The following LRP1 variants were observed in gnomAD, a reference collection of about 807,000 sequenced individuals.
LRP1 encodes LDL receptor related protein 1.
Under a neutral mutation model 541.5 loss-of-function variants are expected in LRP1, and 51 were observed. The ratio of observed to expected loss-of-function variants is 0.09; its 90% CI spans 0.08 to 0.12. The LOEUF (loss-of-function observed/expected upper bound fraction) is 0.12. LRP1 is among the 10% of genes least tolerant of loss of function. The pLI is 1.00. For synonymous variants in LRP1, 2,219 were observed against 2,470.8 expected, an observed-to-expected ratio of 0.90 and a Z score of 3.02; for missense variants, 3,878 against 6,376.2, an observed-to-expected ratio of 0.61 and a Z score of 13.34.
At chr12:57,147,023 C>T (rs1241324284) in intron 6 of LRP1, among the ~76,000 whole-genome samples, 1 of 152,064 alleles carries the variant, frequency 6.6e-6, no homozygotes, top group Admixed American at 6.5e-5. Flanking sequence ...TCTACTCTGG[C>T]CTCATCTCCT....
chr12:57,178,813 G>A lies in LRP1; in HGVS notation c.4607-77G>A, dbSNP rs753594461. The A allele has an allele frequency of 2.2e-4, 344 of 1,545,640 alleles. No individual in the cohort carries two copies. Among genetic ancestry groups the A allele is most frequent in the Non-Finnish European group, 2.7e-4 (310 of 1,148,610 alleles). On this transcript the variant is annotated intron_variant, in intron 27 of 88. Coordinates refer to ENST00000243077, the MANE Select transcript of LRP1 (RefSeq NM_002332.3). The surrounding 1 kb of genome is among the most constrained non-coding windows in gnomAD (Gnocchi z 5.8). Reference sequence around the variant, plus strand: ...CTGGAACAGGGGGAGGAGAGTGGGCGAGGAAGGGGTGGTCCATGTAGGGAG... The same window carrying A: ...CTGGAACAGGGGGAGGAGAGTGGGCAAGGAAGGGGTGGTCCATGTAGGGAG...
chr12:57,209,237 C>G (rs1169453320), intron 79 of LRP1, 38 bp downstream of exon 79: 1 of 1,537,834 alleles, frequency 6.5e-7, no homozygotes, highest in Non-Finnish European at 9.0e-7. Flanking sequence ...CCAGCCCTGT[C>G]CCCAGCCTTG....
In LRP1 at chr12:57,204,615, T is replaced by G. The variant is rs921416800; in HGVS notation, c.11072-12T>G. The G allele has an allele frequency of 1.5e-5, 24 of 1,613,548 alleles. No homozygotes were observed. Among genetic ancestry groups the G allele is most frequent in the Middle Eastern group, 1.6e-4 (1 of 6,082 alleles). On this transcript the variant is annotated splice_polypyrimidine_tract_variant and intron_variant, in intron 71 of 88. Transcript: ENST00000243077. This position sits in a 1 kb window ranked among gnomAD's most constrained non-coding sequence, Gnocchi z 5.3. ...GACTAATTCTGGCTCTGTGTCCCCC[T>G]GGCTGCTGCAGCCCGGTTCGTGTGC...
chr12:57,178,461 G>C lies in LRP1; in HGVS notation c.4464G>C (p.Gly1488=), dbSNP rs151252533. The C allele has an allele frequency of 1.5e-4, 245 of 1,614,236 alleles. 1 individual carries two copies. Among genetic ancestry groups the C allele is most frequent in the South Asian group, 6.8e-4 (62 of 91,090 alleles). Residue 1488 remains glycine (G), a synonymous_variant, in exon 27 of 89, where the codon GGG becomes GGC. Transcript: ENST00000243077. The surrounding 1 kb of genome is among the most constrained non-coding windows in gnomAD (Gnocchi z 5.8). The stretch of plus-strand genomic sequence containing the variant: ...ACCCGTTTGCAGTGACGCTGTACGG[G>C]GGGGAGGTCTACTGGACTGACTGGC... ...LSHPFAVTLY[G]GEVYWTDWRT...
At chr12:57,149,017 A>G in intron 6 of LRP1, 1 of 677,194 alleles carries the variant, frequency 1.5e-6, no homozygotes, top group Middle Eastern at 2.4e-4. Flanking sequence ...GAAATGGGGT[A>G]GTGATTTGTC....
In LRP1 at chr12:57,199,228, C is replaced by A; in HGVS notation, c.9693C>A (p.Ile3231=). ...GCCCTGCAGTGCTGAGCCAGGACATCCCGCACATCTTTGCACTGACCCTGT... is the reference window on the plus strand; with the variant it reads ...GCCCTGCAGTGCTGAGCCAGGACATACCGCACATCTTTGCACTGACCCTGT... The part of the protein sequence containing the change: ...SNRHVVLSQD[I]PHIFALTLFE... The change falls in exon 61 of 89, where the codon ATC becomes ATA. Residue 3231 remains isoleucine, a synonymous_variant. Coordinates refer to ENST00000243077, the MANE Select transcript of LRP1 (RefSeq NM_002332.3). 3 of 1,613,616 alleles carry A rather than the reference C, an allele frequency of 1.9e-6. No individual in the cohort carries two copies. The highest frequency in any genetic ancestry group is 1.7e-6 in the Non-Finnish European group (2 of 1,179,930).
chr12:57,173,435 G>A lies in LRP1; in HGVS notation c.3346+85G>A. The A allele has an allele frequency of 4.2e-6, 6 of 1,417,998 alleles. No individual in the cohort carries two copies. The South Asian group carries it at 6.5e-5, about 15-fold the overall frequency. The allele number at this position is 1,417,998 out of a possible 1,614,324, so 87.8% of individuals were successfully genotyped here. A position where few individuals can be genotyped will look rare whatever the true frequency, so the allele number is the denominator to read the frequency against. On this transcript the variant is annotated intron_variant, in intron 21 of 88. Coordinates refer to ENST00000243077, the MANE Select transcript of LRP1 (RefSeq NM_002332.3). The surrounding 1 kb of genome is among the most constrained non-coding windows in gnomAD (Gnocchi z 4.7). ...TTGAGAGCAGAGTAGCGGCAAAGGG[G>A]ATGGCACTGTGCTGTGTGGAGTGGT...
rs778160686 is a variant in LRP1, at chr12:57,195,263, C to T, written c.8309-8C>T. ...TAAGTCTCTCAGTGGCCCTCTCTCCCCCTACAGAAGGCAAGACGTGCGGCC... is the reference window on the plus strand; with the variant it reads ...TAAGTCTCTCAGTGGCCCTCTCTCCTCCTACAGAAGGCAAGACGTGCGGCC... On this transcript the variant is annotated splice_region_variant and splice_polypyrimidine_tract_variant and intron_variant, in intron 51 of 88. Transcript: ENST00000243077. The T allele has an allele frequency of 1.9e-6, 3 of 1,613,198 alleles. No individual in the cohort carries two copies. The highest frequency in any genetic ancestry group is 2.2e-5 in the South Asian group (2 of 91,054).
chr12:57,160,824 A>C, intron 12 of LRP1, 69 bp from the exon 13 acceptor site: 1 of 1,224,266 alleles, frequency 8.2e-7, no homozygotes, highest in African/African-American at 1.5e-5. Flanking sequence ...GCACTCATGG[A>C]TTGGGATCAC....
chr12:57,136,404 C>T (rs532728079), intron 1 of LRP1, among the ~76,000 whole-genome samples: 1 of 148,276 alleles, frequency 6.7e-6, no homozygotes, highest in East Asian at 2.0e-4. Context: ...AGCCCCCCCC[C>T]CCCGCCATTT....
chr12:57,192,908 A>G lies in LRP1; in HGVS notation c.7493A>G (p.Gln2498Arg), dbSNP rs2036445129. Residue 2498 changes from glutamine (Q) to arginine (R), a missense_variant, in exon 45 of 89, where the codon CAG (glutamine) becomes CGG (arginine). Gln to Arg is a conservative substitution (Grantham distance 43). This residue lies in a region of LRP1 where 1,100 missense variants were observed against 1,827.4 expected (regional missense o/e 0.60). Transcript: ENST00000243077. ...CAGGACCTGTGTCTGCTCACTCACC[A>G]GGGCCATGTCAACTGCTCATGCCGA... is the stretch of plus-strand genomic sequence containing the variant. ...GCQDLCLLTH[Q>R]GHVNCSCRGG... 3 of 1,613,884 alleles carry G rather than the reference A, an allele frequency of 1.9e-6. No individual in the cohort carries two copies. The highest frequency in any genetic ancestry group is 2.7e-5 in the African/African-American group (2 of 74,896).
chr12:57,208,307 C>T, intron 77 of LRP1, 91 bp downstream of exon 77: 1 of 1,356,930 alleles, frequency 7.4e-7, no homozygotes, highest in South Asian at 1.3e-5. Context: ...CGTGCCCTTC[C>T]CTCCCAGGCC....
rs1314590103 is a variant in LRP1 at position 57,189,788 on chromosome 12, C to T, written c.7032-1017C>T. 3.9e-5 allele frequency among the ~76,000 whole-genome samples: 6 copies of T among 152,064 alleles called. No individual in the cohort carries two copies. Among genetic ancestry groups the T allele is most frequent in the Non-Finnish European group, 7.4e-5 (5 of 68,004 alleles). ...TGGCTTTTGTGTGGCTTGGTGGTCTCAGACTCCACTGTGCCTAAGGATCGC... is the reference window on the plus strand; with the variant it reads ...TGGCTTTTGTGTGGCTTGGTGGTCTTAGACTCCACTGTGCCTAAGGATCGC... On this transcript the variant is annotated intron_variant, in intron 42 of 88. Coordinates refer to ENST00000243077, the MANE Select transcript of LRP1 (RefSeq NM_002332.3). The surrounding 1 kb of genome is among the most constrained non-coding windows in gnomAD (Gnocchi z 4.4).
intron 76 of LRP1, among the ~76,000 whole-genome samples, chr12:57,207,727 C>T (rs557693073): frequency 5.1e-4 from 77 of 152,334 alleles, no homozygotes; most frequent in African/African-American, 1.7e-3. Context: ...AGCCCTCCGG[C>T]ACCAATCCCC....
Position 57,173,466 on chromosome 12 carries a change from G to T in LRP1, c.3346+116G>T, listed in dbSNP as rs1002750487. 3.3e-6 allele frequency: 4 copies of T among 1,203,522 alleles called. No homozygotes were observed. The highest frequency in any genetic ancestry group is 3.5e-6 in the Non-Finnish European group (3 of 861,996). The allele number at this position is 1,203,522 out of a possible 1,614,324, so 74.6% of individuals were successfully genotyped here. ...ACTGTGCTGTGTGGAGTGGTGCTGGGGACAGTGCAAGGCAAAAGGCAGTCC... is the reference window on the plus strand; with the variant it reads ...ACTGTGCTGTGTGGAGTGGTGCTGGTGACAGTGCAAGGCAAAAGGCAGTCC... On this transcript the variant is annotated intron_variant, in intron 21 of 88. Coordinates refer to ENST00000243077, the MANE Select transcript of LRP1 (RefSeq NM_002332.3). The surrounding 1 kb of genome is among the most constrained non-coding windows in gnomAD (Gnocchi z 4.7).
At chr12:57,134,707 C>G (rs988098734) in intron 1 of LRP1, among the ~76,000 whole-genome samples, 8 of 148,722 alleles carry the variant, frequency 5.4e-5, no homozygotes, top group Non-Finnish European at 9.0e-5. Context: ...TTCTTTCTTT[C>G]TTTTTTTTTT....
chr12:57,161,995 ATGAG>A (rs1338620721), intron 13 of LRP1, among the ~76,000 whole-genome samples: 2 of 145,668 alleles, frequency 1.4e-5, no homozygotes, highest in African/African-American at 5.6e-5. Context: ...GCGCACGCAT[ATGAG>A]TGTGTGTGTG....
intron 34 of LRP1, among the ~76,000 whole-genome samples, chr12:57,182,491 C>T (rs151026754): frequency 6.6e-5 from 9 of 136,622 alleles, no homozygotes; most frequent in Non-Finnish European, 1.1e-4. Context: ...CCAGCCTGGG[C>T]GACAGATCAG....
Position 57,195,394 on chromosome 12 carries a change from G to T in LRP1, c.8432G>T (p.Gly2811Val). The part of the protein sequence containing the change: ...ADGADESIAA[G>V]CLYNSTCDDR... ...GGTGCAGACGAGAGCATCGCAGCTG[G>T]TTGCTGTGAGTGGCGGGGCCACGTG... Residue 2811 changes from glycine (G) to valine (V), a missense_variant, in exon 52 of 89, where the codon GGT becomes GTT. Transcript: ENST00000243077. 1 of 1,606,016 alleles carries T rather than the reference G, an allele frequency of 6.2e-7. No homozygotes were observed. The highest frequency in any genetic ancestry group is 8.5e-7 in the Non-Finnish European group (1 of 1,179,292).
Sources: allele counts gnomAD v4.1 joint callset (sites outside exome capture counted in the v4.1 genomes callset), GRCh38; gene constraint gnomAD v4.1.1; regional missense constraint gnomAD v4.1.1; non-coding constraint Gnocchi (gnomAD v3.1); transcripts MANE v1.5; gene names NCBI Gene and HGNC (gene_info 2026-07-23, HGNC 2026-07-21).